TP53BP1: variants seen among roughly 807,000 people sequenced by gnomAD.
The protein encoded by TP53BP1 is TP53-binding protein 1.
Under a neutral mutation model 200.8 loss-of-function variants are expected in TP53BP1, and 61 were observed. The observed-to-expected ratio is 0.30, with a 90% CI of 0.25 to 0.38. The LOEUF is 0.38. Ranked by LOEUF, TP53BP1 falls within the 10% of genes least tolerant of loss-of-function variation. The pLI, the probability that TP53BP1 is intolerant of heterozygous loss-of-function variation, is 1.00. For missense variants in TP53BP1, 2,144 were observed against 2,371.9 expected (o/e 0.90, Z 2.00); for synonymous variants, 822 against 844.3 (o/e 0.97, Z 0.46).
At chr15:43,474,045 C>T (rs539873922) in intron 10 of TP53BP1, among the ~76,000 whole-genome samples, 3 of 152,326 alleles carry the variant, frequency 2.0e-5, no homozygotes, top group East Asian at 1.9e-4. Context: ...TAAGGCCCGG[C>T]GAGAAATCAA....
rs375569505 is a variant in TP53BP1 at position 43,420,291 on chromosome 15, G to C, written c.4681+14C>G. ...GCACAAAAAAATCTCTACAAACTCT[G>C]CTTCTTTCATTACCTGCACTGAAAT... On this transcript the variant is annotated intron_variant, in intron 21 of 27. Transcript: ENST00000382044. 1.9e-6 allele frequency: 3 copies of C among 1,607,838 alleles called. No individual in the cohort carries two copies. The highest frequency in any genetic ancestry group is 2.6e-6 in the Non-Finnish European group (3 of 1,175,748).
rs770675935 is a variant in TP53BP1, at chr15:43,428,130, G to T, written c.3714C>A (p.Gly1238=). ...TTCTCATGTGACGATGTAAGACATG[G>T]CCATGTGGAGGCTGAGGCATATCAA... ...EEFDMPQPPH[G]HVLHRHMRTI... Residue 1238 remains glycine (G), a synonymous_variant, in exon 18 of 28, where the codon GGC becomes GGA. Transcript: ENST00000382044. 1.2e-6 allele frequency: 2 copies of T among 1,613,700 alleles called. No individual in the cohort carries two copies. The highest frequency in any genetic ancestry group is 1.7e-6 in the Non-Finnish European group (2 of 1,179,712).
chr15:43,502,827 C>T (rs1267133445), intron 1 of TP53BP1, among the ~76,000 whole-genome samples: 3 of 151,860 alleles, frequency 2.0e-5, no homozygotes, highest in Admixed American at 2.0e-4. Flanking sequence ...ATGATCTCAG[C>T]TCACTGCAAC....
At chr15:43,486,871 C>T (rs566273714) in intron 4 of TP53BP1, among the ~76,000 whole-genome samples, 1 of 152,286 alleles carries the variant, frequency 6.6e-6, no homozygotes, top group South Asian at 2.1e-4. Context: ...AGTGATCCAC[C>T]CGCCTTGGCC....
chr15:43,496,862 C>A (rs750072345), upstream of TP53BP1, among the ~76,000 whole-genome samples: 96 of 152,230 alleles, frequency 6.3e-4, no homozygotes, highest in Non-Finnish European at 1.0e-3. Context: ...CTCAGGTGAT[C>A]CGCCCACCTC....
chr15:43,403,967 G>A lies in TP53BP1; in HGVS notation c.*3416C>T, dbSNP rs2044768613. On this transcript the variant is annotated 3_prime_UTR_variant, in exon 28 of 28. Transcript: ENST00000382044. ...TTGGTATCAGTTGATTTTGAAGCAG[G>A]TAATACTGTGCCACCTCACAGTGCT... 6.8e-6 allele frequency: 4 copies of A among 591,818 alleles called. No homozygotes were observed. Among genetic ancestry groups the A allele is most frequent in the Admixed American group, 2.8e-5 (1 of 35,442 alleles). 36.7% of individuals were successfully genotyped at this position (591,818 alleles called of 1,614,324 possible).
At chr15:43,420,823 G>A in intron 20 of TP53BP1, 88 bp from the exon 21 acceptor site, 1 of 1,341,916 alleles carries the variant, frequency 7.5e-7, no homozygotes, top group Non-Finnish European at 1.0e-6. Flanking sequence ...TTTGTCCATG[G>A]GTCTCCTCAG....
chr15:43,431,416 A>G (rs2045668007), intron 17 of TP53BP1, among the ~76,000 whole-genome samples: 1 of 149,640 alleles, frequency 6.7e-6, no homozygotes, highest in South Asian at 2.1e-4. Context: ...CATCTACTCA[A>G]TTTTTTTTTT....
At chr15:43,485,969 A>G (rs1479464206) in intron 4 of TP53BP1, among the ~76,000 whole-genome samples, 3 of 152,360 alleles carry the variant, frequency 2.0e-5, no homozygotes, top group East Asian at 1.9e-4. Context: ...TCCACTGTCT[A>G]AAGTTGATGG....
At chr15:43,411,357 G>A (rs1402146019) in intron 24 of TP53BP1, among the ~76,000 whole-genome samples, 1 of 152,190 alleles carries the variant, frequency 6.6e-6, no homozygotes, top group Admixed American at 6.5e-5. Flanking sequence ...GTCAATCCCT[G>A]TGTCTGAAGG....
At chr15:43,474,546 A>G (rs2046809263) in intron 10 of TP53BP1, 127 bp downstream of exon 10, 2 of 569,870 alleles carry the variant, frequency 3.5e-6, no homozygotes, top group Non-Finnish European at 3.1e-6. Context: ...TTAGACAAAC[A>G]TGAGTCCTAC....
chr15:43,404,756 A>T lies in TP53BP1; in HGVS notation c.*2627T>A. The T allele has an allele frequency of 4.9e-6, 3 of 608,120 alleles. No homozygotes were observed. The highest frequency in any genetic ancestry group is 8.3e-6 in the Non-Finnish European group (3 of 362,964). 37.7% of individuals were successfully genotyped at this position (608,120 alleles called of 1,614,324 possible). A position where few individuals can be genotyped will look rare whatever the true frequency, so the allele number is the denominator to read the frequency against. On this transcript the variant is annotated 3_prime_UTR_variant, in exon 28 of 28. Coordinates refer to ENST00000382044, the MANE Select transcript of TP53BP1 (RefSeq NM_001141980.3). ...CATCATCATCATAAAATACTAAAAA[A>T]CCTGACAGTGAGATAGGTGTTAAGT...
Position 43,405,423 on chromosome 15 carries a change from A to ACATGTGGCATCTCTGAT in TP53BP1, c.*1943_*1959dup. 1.6e-6 allele frequency: 1 copy of ACATGTGGCATCTCTGAT among 606,742 alleles called. No homozygotes were observed. The allele number at this position is 606,742 out of a possible 1,614,324, so 37.6% of individuals were successfully genotyped here. A position where few individuals can be genotyped will look rare whatever the true frequency, so the allele number is the denominator to read the frequency against. On this transcript the variant is annotated 3_prime_UTR_variant, in exon 28 of 28. Coordinates refer to ENST00000382044, the MANE Select transcript of TP53BP1 (RefSeq NM_001141980.3). ...GGAAGGGTCTCTCCCATCAAGGAGA[A>ACATGTGGCATCTCTGAT]CATGTGGCATCTCTGATCCTTTACA...
intron 12 of TP53BP1, among the ~76,000 whole-genome samples, chr15:43,449,421 A>C (rs2046117229): frequency 1.3e-5 from 2 of 152,268 alleles, no homozygotes; most frequent in Admixed American, 1.3e-4. Context: ...ATATTACGCA[A>C]ATGCAATATG....
rs147518325 is a variant in TP53BP1, at chr15:43,404,135, C to T, written c.*3248G>A. 5.8e-6 allele frequency: 3 copies of T among 513,364 alleles called. No homozygotes were observed. The highest frequency in any genetic ancestry group is 3.8e-5 in the African/African-American group (2 of 52,720). The allele number at this position is 513,364 out of a possible 1,614,324, so 31.8% of individuals were successfully genotyped here. A position where few individuals can be genotyped will look rare whatever the true frequency, so the allele number is the denominator to read the frequency against. On this transcript the variant is annotated 3_prime_UTR_variant, in exon 28 of 28. Transcript: ENST00000382044. ...GATAATTATCTGCTTGTAATCAAAA[C>T]GGGTTCTCCCCAACCCCAGTACTTG...
At chr15:43,508,085 G>C (rs907451434) in intron 1 of TP53BP1, among the ~76,000 whole-genome samples, 1 of 152,190 alleles carries the variant, frequency 6.6e-6, no homozygotes, top group Admixed American at 6.5e-5. Context: ...TTCTGGGCCG[G>C]GCACGGTGGC....
intron 24 of TP53BP1, chr15:43,412,854 G>A: frequency 1.8e-6 from 1 of 561,350 alleles, no homozygotes; most frequent in Non-Finnish European, 3.5e-6. Context: ...CTCCAAACTT[G>A]TTTCCTCATC....
At chr15:43,479,203 C>G (rs1284920748) in intron 7 of TP53BP1, among the ~76,000 whole-genome samples, 194 bp downstream of exon 7, 1 of 152,144 alleles carries the variant, frequency 6.6e-6, no homozygotes, top group Non-Finnish European at 1.5e-5. Context: ...AACAGACAGA[C>G]AGACAGACAG....
chr15:43,413,350 G>A lies in TP53BP1; in HGVS notation c.5090-16C>T, dbSNP rs778833327. 2 of 1,608,330 alleles carry A rather than the reference G, an allele frequency of 1.2e-6. No homozygotes were observed. The highest frequency in any genetic ancestry group is 2.7e-5 in the African/African-American group (2 of 74,810). On this transcript the variant is annotated splice_polypyrimidine_tract_variant and intron_variant, in intron 23 of 27. Coordinates refer to ENST00000382044, the MANE Select transcript of TP53BP1 (RefSeq NM_001141980.3). ...CCTACTGCACCTGGGAAGGACAGGG[G>A]CACAGTTACTAGAGGGATACACACC...
Sources: allele counts gnomAD v4.1 joint callset (sites outside exome capture counted in the v4.1 genomes callset), GRCh38; gene constraint gnomAD v4.1.1; transcripts MANE v1.5; gene names NCBI Gene and HGNC (gene_info 2026-07-23, HGNC 2026-07-21).